Variants in FKBP6 observed in about 807,000 individuals in gnomAD.
FKBP6 encodes FKBP prolyl isomerase family member 6 (inactive).
FKBP6 carries 29 observed loss-of-function variants against 41.7 expected under a neutral mutation model. The observed-to-expected ratio is 0.70, with a 90% confidence interval of 0.52 to 0.95. FKBP6 has a LOEUF of 0.95. Among genes scored for constraint, FKBP6 ranks in the 40% least tolerant of loss-of-function variants. The pLI, the probability that FKBP6 is intolerant of heterozygous loss-of-function variation, is 0.00. For synonymous variants in FKBP6, 130 were observed against 165.1 expected, an observed-to-expected ratio of 0.79 and a Z score of 1.63; for missense variants, 338 against 408.7, an observed-to-expected ratio of 0.83 and a Z score of 1.49.
At chr7:73,347,086 C>T (rs1256262310) in intron 8 of FKBP6, among the ~76,000 whole-genome samples, 2 of 152,184 alleles carry the variant, frequency 1.3e-5, no homozygotes, top group Non-Finnish European at 2.9e-5. Flanking sequence ...ACACGGTCAG[C>T]TTACCTACGC....
intron 5 of FKBP6, among the ~76,000 whole-genome samples, chr7:73,333,926 G>A (rs1440477001): frequency 6.6e-6 from 1 of 152,084 alleles, no homozygotes; most frequent in Non-Finnish European, 1.5e-5. Context: ...ACAAAAATTA[G>A]CTGGGCGTGT....
At chr7:73,331,291 G>A (rs1384773938) in intron 4 of FKBP6, among the ~76,000 whole-genome samples, 1 of 152,166 alleles carries the variant, frequency 6.6e-6, no homozygotes, top group Non-Finnish European at 1.5e-5. Flanking sequence ...GGCAAGTTCC[G>A]TCAGTTTTTG....
At chr7:73,350,938 C>A (rs1176418373) in intron 8 of FKBP6, among the ~76,000 whole-genome samples, 5 of 152,214 alleles carry the variant, frequency 3.3e-5, no homozygotes, top group African/African-American at 1.2e-4. Context: ...TGGATCTAGG[C>A]AGGGAATCTG....
intron 8 of FKBP6, among the ~76,000 whole-genome samples, 197 bp downstream of exon 8, chr7:73,343,096 G>A (rs560498576): frequency 6.6e-6 from 1 of 152,190 alleles, no homozygotes; most frequent in African/African-American, 2.4e-5. Flanking sequence ...AAGAAAGTTC[G>A]CCCAGACCTG....
At chr7:73,349,413 A>C (rs1805422425) in intron 8 of FKBP6, among the ~76,000 whole-genome samples, 1 of 149,540 alleles carries the variant, frequency 6.7e-6, no homozygotes, top group African/African-American at 2.5e-5. Flanking sequence ...CTCAAAAAAT[A>C]AATAAAAAGG....
At chr7:73,348,953 A>G (rs1434020033) in intron 8 of FKBP6, among the ~76,000 whole-genome samples, 1 of 152,120 alleles carries the variant, frequency 6.6e-6, no homozygotes, top group Admixed American at 6.5e-5. Context: ...AAAAATGCCA[A>G]AATTACCTGG....
rs782737367 is a variant in FKBP6 at position 73,331,771 on chromosome 7, A to G, written c.583A>G (p.Lys195Glu). The change falls in exon 5 of 9, where the codon AAA becomes GAA. Residue 195 changes from lysine (K) to glutamate (E), a missense_variant. This residue lies in a region of FKBP6 where 239 missense variants were observed against 250.1 expected (regional missense o/e 0.96). Coordinates refer to ENST00000252037, the MANE Select transcript of FKBP6 (RefSeq NM_003602.5). ...TTTCTATGATGCCAAAGTGAGATAT[A>G]AAAGGGTGAGAATGCTTTGAAAGTT... is the stretch of plus-strand genomic sequence containing the variant. The part of the protein sequence containing the change: ...NRFYDAKVRY[K>E]RALLLLRRRS... The G allele has an allele frequency of 2.5e-6, 4 of 1,613,380 alleles. No homozygotes were observed. The East Asian group carries it at 8.9e-5, about 36-fold the overall frequency.
intron 4 of FKBP6, among the ~76,000 whole-genome samples, 179 bp from the exon 5 acceptor site, chr7:73,331,478 G>T (rs2115834320): frequency 6.6e-6 from 1 of 152,324 alleles, no homozygotes; most frequent in East Asian, 1.9e-4. Flanking sequence ...TGAAAAAGAA[G>T]AGCTCACAGC....
intron 8 of FKBP6, among the ~76,000 whole-genome samples, chr7:73,346,519 G>A (rs1554550296): frequency 1.3e-5 from 2 of 152,210 alleles, no homozygotes; most frequent in Admixed American, 6.5e-5. Context: ...GTTGTGAGAG[G>A]TCCTGATATT....
Position 73,340,570 on chromosome 7 carries a change from G to A in FKBP6, c.589-68G>A. ...TTTTTAGCTCTGATAGTTTTTGCGT[G>A]TGGATTCTTTAGGGTTTTGTACATA... On this transcript the variant is annotated intron_variant, in intron 5 of 8. Coordinates refer to ENST00000252037, the MANE Select transcript of FKBP6 (RefSeq NM_003602.5). 3 of 1,338,752 alleles carry A rather than the reference G, an allele frequency of 2.2e-6. No individual in the cohort carries two copies. The South Asian group carries it at 3.5e-5, about 16-fold the overall frequency. 82.9% of individuals were successfully genotyped at this position (1,338,752 alleles called of 1,614,324 possible). A position where few individuals can be genotyped will look rare whatever the true frequency, so the allele number is the denominator to read the frequency against.
intron 2 of FKBP6, 115 bp from the exon 3 acceptor site, chr7:73,329,245 C>G: frequency 2.5e-6 from 2 of 793,316 alleles, no homozygotes; most frequent in South Asian, 2.7e-5. Flanking sequence ...CTCGGGGTGT[C>G]GGGCAGCTTA....
chr7:73,330,183 T>C lies in FKBP6; in HGVS notation c.299T>C (p.Leu100Pro). 1.2e-6 allele frequency: 2 copies of C among 1,613,990 alleles called. No homozygotes were observed. The highest frequency in any genetic ancestry group is 2.2e-5 in the South Asian group (2 of 91,080). ...CTGTGGGGCATGGAGCTGGGCCTTCTGAGCATGCGGAGAGGAGAGCTGGCC... is the reference window on the plus strand; with the variant it reads ...CTGTGGGGCATGGAGCTGGGCCTTCCGAGCATGCGGAGAGGAGAGCTGGCC... ...ITLWGMELGL[L>P]SMRRGELARF... The change falls in exon 4 of 9, where the codon CTG becomes CCG. Residue 100 changes from leucine to proline, a missense_variant. Coordinates refer to ENST00000252037, the MANE Select transcript of FKBP6 (RefSeq NM_003602.5).
intron 8 of FKBP6, among the ~76,000 whole-genome samples, chr7:73,346,402 C>T (rs1805334466): frequency 6.6e-6 from 1 of 152,164 alleles, no homozygotes; most frequent in Non-Finnish European, 1.5e-5. Flanking sequence ...AAGATAAGTC[C>T]ATTAAATCAC....
chr7:73,355,483 G>C (rs1554551793), intron 8 of FKBP6, among the ~76,000 whole-genome samples: 1 of 152,114 alleles, frequency 6.6e-6, no homozygotes, highest in Non-Finnish European at 1.5e-5. Flanking sequence ...TAGGGAGCTT[G>C]AAGTTGATCT....
chr7:73,352,623 C>G (rs1178721356), intron 8 of FKBP6, among the ~76,000 whole-genome samples: 1 of 152,136 alleles, frequency 6.6e-6, no homozygotes, highest in Non-Finnish European at 1.5e-5. Context: ...CCTACGCTCC[C>G]AAGCAGCCAC....
At chr7:73,353,358 A>C (rs781981590) in intron 8 of FKBP6, among the ~76,000 whole-genome samples, 22 of 151,994 alleles carry the variant, frequency 1.4e-4, no homozygotes, top group Non-Finnish European at 2.6e-4. Context: ...CATCTCTCAT[A>C]CTCTGTTACA....
At position 73,342,773 on chromosome 7, in the gene FKBP6, ACCT is replaced by A. The variant is rs782576528; in HGVS notation, c.894-29_894-27del. On this transcript the variant is annotated intron_variant, in intron 7 of 8. Transcript: ENST00000252037. ...CAGATGTCACCTCCTCCAAACACAG[ACCT>A]CCTCTAACAAGTGTGTATTTCCCTC... 8.3e-6 allele frequency: 12 copies of A among 1,441,524 alleles called. No individual in the cohort carries two copies. In the Admixed American group the frequency reaches 1.7e-4, roughly 20 times the overall value. 89.3% of individuals were successfully genotyped at this position (1,441,524 alleles called of 1,614,324 possible).
intron 8 of FKBP6, among the ~76,000 whole-genome samples, chr7:73,345,827 C>T (rs775258553): frequency 6.6e-6 from 1 of 152,140 alleles, no homozygotes; most frequent in Non-Finnish European, 1.5e-5. Context: ...CCACTTTTGA[C>T]TGCTTTTGGG....
intron 4 of FKBP6, 141 bp from the exon 5 acceptor site, chr7:73,331,516 A>G (rs767625163): frequency 5.0e-5 from 39 of 782,692 alleles, no homozygotes; most frequent in Non-Finnish European, 8.0e-5. Flanking sequence ...TCTTTCAATT[A>G]CTATTTTTTT....
Sources: allele counts gnomAD v4.1 joint callset (sites outside exome capture counted in the v4.1 genomes callset), GRCh38; gene constraint gnomAD v4.1.1; regional missense constraint gnomAD v4.1.1; transcripts MANE v1.5; gene names NCBI Gene and HGNC (gene_info 2026-07-23, HGNC 2026-07-21).